KIAA2012: variants seen among roughly 807,000 people sequenced by gnomAD.
The protein encoded by KIAA2012 is uncharacterized protein KIAA2012.
KIAA2012 carries 125 observed loss-of-function variants against 150.6 expected under a neutral mutation model. The ratio of observed to expected loss-of-function variants is 0.83; its 90% CI spans 0.72 to 0.96. The LOEUF (loss-of-function observed/expected upper bound fraction) is 0.96, where lower values mean the gene tolerates loss of function less well. Ranked by LOEUF, KIAA2012 falls within the 40% of genes least tolerant of loss-of-function variation. The pLI is 0.00. For synonymous variants in KIAA2012, 462 were observed against 504.7 expected, an observed-to-expected ratio of 0.92 and a Z score of 1.13; for missense variants, 1,219 against 1,354.9, an observed-to-expected ratio of 0.90 and a Z score of 1.57.
At chr2:202,116,447 A>C in intron 11 of KIAA2012, 1 of 144,788 alleles carries the variant, frequency 6.9e-6, no homozygotes, top group East Asian at 2.1e-4. Context: ...GGCTACAGGC[A>C]CGAGCCACCA....
chr2:202,151,030 G>A (rs1691416080), intron 13 of KIAA2012, among the ~76,000 whole-genome samples: 1 of 152,164 alleles, frequency 6.6e-6, no homozygotes, highest in Non-Finnish European at 1.5e-5. Flanking sequence ...GAGCCCAGAA[G>A]ACTGGGGCAG....
At chr2:202,083,052 C>G (rs1174183688) in intron 2 of KIAA2012, among the ~76,000 whole-genome samples, 2 of 152,126 alleles carry the variant, frequency 1.3e-5, no homozygotes, top group Admixed American at 6.5e-5. Context: ...CTAGTTGTAC[C>G]TTTACATTTA....
chr2:202,201,150 T>G (rs1193813314), intron 22 of KIAA2012, among the ~76,000 whole-genome samples: 1 of 152,184 alleles, frequency 6.6e-6, no homozygotes, highest in Non-Finnish European at 1.5e-5. Flanking sequence ...CCCACATTCA[T>G]TTTATGAATG....
At chr2:202,134,189 T>G (rs1691014379) in intron 12 of KIAA2012, among the ~76,000 whole-genome samples, 1 of 152,216 alleles carries the variant, frequency 6.6e-6, no homozygotes, top group Non-Finnish European at 1.5e-5. Flanking sequence ...TCCATGGTGA[T>G]GAAACATTGC....
intron 5 of KIAA2012, 123 bp from the exon 6 acceptor site, chr2:202,099,490 C>T: frequency 1.4e-6 from 1 of 723,314 alleles, no homozygotes; most frequent in South Asian, 2.4e-5. Context: ...TATTTTTCTT[C>T]CCAACCTGCA....
At chr2:202,157,783 C>A (rs1691559098) in intron 14 of KIAA2012, among the ~76,000 whole-genome samples, 1 of 152,106 alleles carries the variant, frequency 6.6e-6, no homozygotes, top group Admixed American at 6.6e-5. Context: ...CACTGCAGCC[C>A]CCAGCTGAGC....
At chr2:202,169,778 T>C (rs918292192) in intron 15 of KIAA2012, among the ~76,000 whole-genome samples, 4 of 152,134 alleles carry the variant, frequency 2.6e-5, no homozygotes, top group African/African-American at 9.7e-5. Context: ...AACACTGAAA[T>C]CTATTCATCG....
chr2:202,192,433 T>A (rs2105748647), intron 19 of KIAA2012, among the ~76,000 whole-genome samples: 1 of 151,704 alleles, frequency 6.6e-6, no homozygotes, highest in East Asian at 1.9e-4. Flanking sequence ...ATACCTAAGA[T>A]TGCCCCTGGT....
intron 4 of KIAA2012, among the ~76,000 whole-genome samples, chr2:202,094,545 G>T (rs982224436): frequency 6.7e-6 from 1 of 150,194 alleles, no homozygotes; most frequent in African/African-American, 2.5e-5. Flanking sequence ...ACAAGGTCTT[G>T]CTCTGGCTCT....
intron 14 of KIAA2012, among the ~76,000 whole-genome samples, chr2:202,163,358 T>TC (rs1207185609): frequency 1.3e-5 from 2 of 152,102 alleles, no homozygotes; most frequent in Non-Finnish European, 2.9e-5. Context: ...CACCTCAGCC[T>TC]CCCAAAGTGC....
chr2:202,132,754 A>ATGTATATATATAGTATATATGTATATG (rs1690975344), intron 12 of KIAA2012, among the ~76,000 whole-genome samples: 1 of 106,262 alleles, frequency 9.4e-6, no homozygotes, highest in South Asian at 3.2e-4. Flanking sequence ...TATAGTATAT[A>ATGTATATATATAGTATATATGTATATG]TGTATATATA....
chr2:202,127,754 T>C (rs1474119271), intron 12 of KIAA2012, among the ~76,000 whole-genome samples: 1 of 152,218 alleles, frequency 6.6e-6, no homozygotes, highest in Non-Finnish European at 1.5e-5. Context: ...TAGAATGTAC[T>C]GTTCCCTCTG....
chr2:202,081,067 ACTT>A (rs1423724646), intron 2 of KIAA2012, among the ~76,000 whole-genome samples: 1 of 152,214 alleles, frequency 6.6e-6, no homozygotes, highest in East Asian at 1.9e-4. Context: ...TATTCTGAGA[ACTT>A]CATATAAGTG....
chr2:202,156,644 G>T (rs965387472), intron 14 of KIAA2012, among the ~76,000 whole-genome samples: 1 of 152,222 alleles, frequency 6.6e-6, no homozygotes, highest in Non-Finnish European at 1.5e-5. Context: ...CCAGCACTTT[G>T]GGAGGCCAAG....
chr2:202,180,607 T>C (rs952723144), intron 15 of KIAA2012, among the ~76,000 whole-genome samples: 1 of 152,134 alleles, frequency 6.6e-6, no homozygotes, highest in Non-Finnish European at 1.5e-5. Flanking sequence ...GGTGGATCAC[T>C]CGAGGCCAGG....
At chr2:202,118,852 G>A (rs549643225) in intron 11 of KIAA2012, among the ~76,000 whole-genome samples, 1 of 152,326 alleles carries the variant, frequency 6.6e-6, no homozygotes, top group East Asian at 1.9e-4. Flanking sequence ...CCAGTAGGGA[G>A]CTACTAAAAC....
intron 6 of KIAA2012, 25 bp downstream of exon 6, chr2:202,099,821 T>C: frequency 2.0e-6 from 3 of 1,534,036 alleles, no homozygotes; most frequent in Non-Finnish European, 1.8e-6. Context: ...GTCTTGCTCA[T>C]TGATCTGGGT....
At chr2:202,183,473 T>G (rs1176194940) in intron 15 of KIAA2012, among the ~76,000 whole-genome samples, 1 of 118,824 alleles carries the variant, frequency 8.4e-6, no homozygotes, top group African/African-American at 3.1e-5. Flanking sequence ...GGGGGTTTTT[T>G]AAATTTTTTT....
chr2:202,100,368 T>C lies in KIAA2012; in HGVS notation c.1074T>C (p.Pro358=), dbSNP rs773021683. 1.7e-5 allele frequency: 26 copies of C among 1,550,494 alleles called. No homozygotes were observed. The highest frequency in any genetic ancestry group is 8.7e-7 in the Non-Finnish European group (1 of 1,146,986). The change falls in exon 7 of 24, where the codon CCT becomes CCC. Residue 358 remains proline, a synonymous_variant. Coordinates refer to ENST00000498697, the MANE Select transcript of KIAA2012 (RefSeq NM_001277372.4). The part of the protein sequence containing the change: ...ARSSHLLQVL[P]AERSLFPPVA... The stretch of plus-strand genomic sequence containing the variant: ...GCAGCCACTTGTTACAGGTGCTTCC[T>C]GCTGAAAGAAGCCTCTTCCCTCCTG...
Sources: allele counts gnomAD v4.1 joint callset (sites outside exome capture counted in the v4.1 genomes callset), GRCh38; gene constraint gnomAD v4.1.1; transcripts MANE v1.5; gene names NCBI Gene and HGNC (gene_info 2026-07-23, HGNC 2026-07-21).